Variants in SYNE3 observed in about 807,000 individuals in gnomAD.
SYNE3 encodes nesprin-3.
In SYNE3, 100 loss-of-function variants were observed where a neutral mutation model predicts 111.2. The ratio of observed to expected loss-of-function variants is 0.90; its 90% CI spans 0.77 to 1.06. The LOEUF is 1.06. SYNE3 is among the 50% of genes least tolerant of loss of function. The pLI is 0.00. For synonymous variants in SYNE3, 547 were observed against 533.9 expected (o/e 1.02, Z -0.34); for missense variants, 1,160 against 1,240.3 (o/e 0.94, Z 0.97).
At chr14:95,421,044 C>T (rs756864659) in intron 17 of SYNE3, among the ~76,000 whole-genome samples, 9 of 152,302 alleles carry the variant, frequency 5.9e-5, no homozygotes, top group East Asian at 1.9e-4. Flanking sequence ...CACTTGGCTC[C>T]CATTCTCTCT....
At chr14:95,447,728 A>G (rs1156404784) in intron 8 of SYNE3, among the ~76,000 whole-genome samples, 1 of 152,106 alleles carries the variant, frequency 6.6e-6, no homozygotes, top group African/African-American at 2.4e-5. Flanking sequence ...CTCAGACACA[A>G]TATCATGGGA....
At chr14:95,468,351 T>A (rs1228230265) in intron 2 of SYNE3, among the ~76,000 whole-genome samples, 1 of 152,238 alleles carries the variant, frequency 6.6e-6, no homozygotes, top group Admixed American at 6.5e-5. Context: ...AGAAAATGCA[T>A]GTGAGGTACA....
intron 1 of SYNE3, among the ~76,000 whole-genome samples, chr14:95,506,132 C>T (rs1242672245): frequency 6.6e-6 from 1 of 152,112 alleles, no homozygotes; most frequent in African/African-American, 2.4e-5. Context: ...TCATTCAGTG[C>T]CCTGGGCTTG....
At chr14:95,473,832 C>A (rs76474135) in intron 2 of SYNE3, among the ~76,000 whole-genome samples, 30 of 124,414 alleles carry the variant, frequency 2.4e-4, no homozygotes, top group East Asian at 7.5e-4. Flanking sequence ...TGTGAGCTTG[C>A]GAGGTGTGAC....
rs530750568 is a variant in SYNE3 at position 95,486,029 on chromosome 14, A to T, written c.-14-10194T>A. Among the ~76,000 whole-genome samples the T allele has an allele frequency of 2.6e-5, 4 of 152,244 alleles. No individual in the cohort carries two copies. The East Asian group carries it at 7.7e-4, about 29-fold the overall frequency. On this transcript the variant is annotated intron_variant, in intron 1 of 17. Transcript: ENST00000682763. Reference sequence around the variant, plus strand: ...TTATCAGCTCCATCCGCATGATGCCAGGCAGAAGGGAGAAGGGCTGTGTCC... The same window carrying T: ...TTATCAGCTCCATCCGCATGATGCCTGGCAGAAGGGAGAAGGGCTGTGTCC...
rs1183612332 is a variant in SYNE3, at chr14:95,432,924, G to A, written c.2688+336C>T. Among the ~76,000 whole-genome samples, 6 of 152,244 alleles carry A rather than the reference G, an allele frequency of 3.9e-5. No individual in the cohort carries two copies. The East Asian group carries it at 1.2e-3, about 29-fold the overall frequency. On this transcript the variant is annotated intron_variant, in intron 16 of 17. Coordinates refer to ENST00000682763, the MANE Select transcript of SYNE3 (RefSeq NM_152592.6). ...CCCCTCTGCAGTCTGGAGATACAAT[G>A]ACTTGAGCAGAGGGGAACCGTACAG...
At chr14:95,494,600 G>A (rs986524226) in intron 1 of SYNE3, among the ~76,000 whole-genome samples, 2 of 152,140 alleles carry the variant, frequency 1.3e-5, no homozygotes, top group African/African-American at 4.8e-5. Context: ...GTGGGCAATA[G>A]GGAGCCAGTG....
In SYNE3 at chr14:95,450,069, C is replaced by T. The variant is rs761182900; in HGVS notation, c.1311G>A (p.Ala437=). The T allele has an allele frequency of 1.7e-5, 26 of 1,573,138 alleles. No individual in the cohort carries two copies. The highest frequency in any genetic ancestry group is 2.2e-5 in the Non-Finnish European group (25 of 1,159,094). ...KVKSARLRNA[A]AVELWQHFQR... ...GGAAATGCTGCCACAGCTCCACCGC[C>T]GCGGCATTGCGCAGCCTCGCGCTCT... Residue 437 remains alanine (A), a synonymous_variant, in exon 8 of 18, where the codon GCG becomes GCA. Coordinates refer to ENST00000682763, the MANE Select transcript of SYNE3 (RefSeq NM_152592.6).
intron 2 of SYNE3, among the ~76,000 whole-genome samples, chr14:95,469,753 A>G (rs1762014935): frequency 6.6e-6 from 1 of 152,110 alleles, no homozygotes; most frequent in Admixed American, 6.5e-5. Context: ...TAAAAACACT[A>G]TGAATTAAAC....
At chr14:95,471,326 G>A (rs1030752031) in intron 2 of SYNE3, among the ~76,000 whole-genome samples, 1 of 152,238 alleles carries the variant, frequency 6.6e-6, no homozygotes, top group African/African-American at 2.4e-5. Context: ...AAAGCCTGGT[G>A]TCCTGACTGT....
At chr14:95,418,445 G>C (rs184240253) in intron 17 of SYNE3, among the ~76,000 whole-genome samples, 2 of 152,236 alleles carry the variant, frequency 1.3e-5, no homozygotes, top group Non-Finnish European at 2.9e-5. Flanking sequence ...TAGTAAGTAT[G>C]TACCAGCTGC....
At chr14:95,437,059 G>C (rs1886127330) in intron 14 of SYNE3, 78 bp from the exon 15 acceptor site, 4 of 1,580,780 alleles carry the variant, frequency 2.5e-6, no homozygotes, top group Non-Finnish European at 2.6e-6. Context: ...TCCACCTGAG[G>C]CAGAGGGGCA....
Position 95,465,928 on chromosome 14 carries a change from C to T in SYNE3, c.627+3G>A. 1.9e-6 allele frequency: 3 copies of T among 1,568,188 alleles called. No individual in the cohort carries two copies. The highest frequency in any genetic ancestry group is 2.6e-6 in the Non-Finnish European group (3 of 1,147,630). The stretch of plus-strand genomic sequence containing the variant: ...GATGTAGCCCACTCAGCCTCACCCT[C>T]ACCTGGGCCTTGGCCTTCACTGCAT... On this transcript the variant is annotated splice_donor_region_variant and intron_variant, in intron 4 of 17. Transcript: ENST00000682763.
chr14:95,436,796 A>AG, intron 15 of SYNE3, 24 bp downstream of exon 15: 2 of 1,612,336 alleles, frequency 1.2e-6, no homozygotes, highest in Non-Finnish European at 1.7e-6. Flanking sequence ...CTTATGGATG[A>AG]GGGACCTTTC....
intron 4 of SYNE3, among the ~76,000 whole-genome samples, chr14:95,458,108 C>T (rs1419180593): frequency 2.6e-5 from 4 of 152,188 alleles, no homozygotes; most frequent in Admixed American, 1.3e-4. Context: ...TGGTGTCCTG[C>T]TATGAGCCCC....
At position 95,409,141 on chromosome 14, in the gene SYNE3, C is replaced by T. The variant is rs1452166166; in HGVS notation, c.*8685G>A. On this transcript the variant is annotated 3_prime_UTR_variant, in exon 18 of 18. Coordinates refer to ENST00000682763, the MANE Select transcript of SYNE3 (RefSeq NM_152592.6). Reference sequence around the variant, plus strand: ...AGGAAAGCAACTGAGGCCCAGGGAACATTCCATAGAGTGGAGCACTGGGCT... The same window carrying T: ...AGGAAAGCAACTGAGGCCCAGGGAATATTCCATAGAGTGGAGCACTGGGCT... 1 of 456,612 alleles carries T rather than the reference C, an allele frequency of 2.2e-6. No homozygotes were observed. Among genetic ancestry groups the T allele is most frequent in the South Asian group, 1.5e-5 (1 of 64,566 alleles). 28.3% of individuals were successfully genotyped at this position (456,612 alleles called of 1,614,324 possible).
intron 17 of SYNE3, among the ~76,000 whole-genome samples, chr14:95,420,763 C>A (rs1249501693): frequency 6.6e-6 from 1 of 151,202 alleles, no homozygotes; most frequent in Admixed American, 6.6e-5. Context: ...TACACACAAC[C>A]TTCTAAGAAG....
chr14:95,419,216 C>T (rs772152840), intron 17 of SYNE3, among the ~76,000 whole-genome samples: 4 of 152,286 alleles, frequency 2.6e-5, no homozygotes, highest in South Asian at 2.1e-4. Context: ...GAGTGCAGGA[C>T]GAGCCCAGCT....
intron 1 of SYNE3, among the ~76,000 whole-genome samples, chr14:95,494,937 C>A (rs1224011042): frequency 6.6e-6 from 1 of 152,028 alleles, no homozygotes; most frequent in Non-Finnish European, 1.5e-5. Context: ...CATGGTGAAA[C>A]CCCGTCTCTA....
Sources: gnomAD v4.1 joint callset for allele counts (sites outside exome capture counted in the v4.1 genomes callset) on GRCh38, gnomAD v4.1.1 for gene constraint, MANE v1.5 for transcripts, NCBI Gene and HGNC (gene_info 2026-07-23, HGNC 2026-07-21) for gene names.